The following BMP5 variants were observed in gnomAD, a reference collection of about 807,000 sequenced individuals.
BMP5 encodes bone morphogenetic protein 5.
BMP5 carries 23 observed loss-of-function variants against 46.6 expected under a neutral mutation model. The ratio of observed to expected loss-of-function variants is 0.49; its 90% CI spans 0.35 to 0.70. The LOEUF (loss-of-function observed/expected upper bound fraction) is 0.70. BMP5 is among the 30% of genes least tolerant of loss of function. The probability of loss-of-function intolerance (pLI) is 0.00; values close to 1 mark genes in which losing one functional copy is unlikely to be tolerated. For missense variants in BMP5, 545 were observed against 565.6 expected, an observed-to-expected ratio of 0.96 and a Z score of 0.37; for synonymous variants, 204 against 191.9, an observed-to-expected ratio of 1.06 and a Z score of -0.52.
intron 1 of BMP5, among the ~76,000 whole-genome samples, chr6:55,829,367 T>G (rs1776607526): frequency 6.6e-6 from 1 of 151,832 alleles, no homozygotes; most frequent in African/African-American, 2.4e-5. Flanking sequence ...AGATTTTTTT[T>G]TATTGTTTCA....
At chr6:55,859,119 A>G (rs989316545) in intron 1 of BMP5, among the ~76,000 whole-genome samples, 1 of 152,196 alleles carries the variant, frequency 6.6e-6, no homozygotes, top group Non-Finnish European at 1.5e-5. Context: ...GTATCCCACA[A>G]CTTAAAGTAA....
At chr6:55,797,317 A>G (rs1047750175) in intron 2 of BMP5, among the ~76,000 whole-genome samples, 1 of 152,198 alleles carries the variant, frequency 6.6e-6, no homozygotes. Context: ...TATAAAATAA[A>G]CTTGTTAAAG....
Position 55,874,517 on chromosome 6 carries a change from G to A in BMP5, c.349C>T (p.Pro117Ser). Residue 117 changes from proline (P) to serine (S), a missense_variant, in exon 1 of 7, where the codon CCA becomes TCA. By Grantham distance (74) the Pro-to-Ser change is moderately conservative (BLOSUM62 -1). Transcript: ENST00000370830. ...EETRGARKGY[P>S]ASPNGYPRRI... is the part of the protein sequence containing the mutation. ...CGAGGATACCCATTGGGAGAGGCTG[G>A]GTATCCCTTTCTTGCCCCTCTGGTC... The A allele has an allele frequency of 6.2e-7, 1 of 1,613,308 alleles. No individual in the cohort carries two copies. The highest frequency in any genetic ancestry group is 8.5e-7 in the Non-Finnish European group (1 of 1,179,626).
intron 1 of BMP5, among the ~76,000 whole-genome samples, chr6:55,856,635 T>C (rs1777405533): frequency 6.6e-6 from 1 of 152,146 alleles, no homozygotes; most frequent in South Asian, 2.1e-4. Flanking sequence ...AATTCTCTAA[T>C]AATTGATAGT....
At chr6:55,862,801 A>G (rs762799679) in intron 1 of BMP5, among the ~76,000 whole-genome samples, 11 of 152,164 alleles carry the variant, frequency 7.2e-5, no homozygotes, top group Non-Finnish European at 1.5e-4. Flanking sequence ...CAGACTCTCC[A>G]AGCTTTGCTG....
chr6:55,821,911 A>T (rs1776418563), intron 1 of BMP5, among the ~76,000 whole-genome samples: 1 of 152,098 alleles, frequency 6.6e-6, no homozygotes, highest in Non-Finnish European at 1.5e-5. Flanking sequence ...AATCTAACTC[A>T]CTGTATTCTT....
Position 55,755,117 on chromosome 6 carries a change from T to C in BMP5, c.*416A>G, listed in dbSNP as rs1486934655. On this transcript the variant is annotated 3_prime_UTR_variant, in exon 7 of 7. Transcript: ENST00000370830. ...TTTTTAAGTCTTATTTCTAAATAAA[T>C]ATTCTATCATGGTTTTCATTGGCAC... 1 of 152,568 alleles carries C rather than the reference T, an allele frequency of 6.6e-6. No homozygotes were observed. Among genetic ancestry groups the C allele is most frequent in the Non-Finnish European group, 1.5e-5 (1 of 68,374 alleles). The allele number at this position is 152,568 out of a possible 1,614,324, so 9.5% of individuals were successfully genotyped here.
chr6:55,829,130 C>G (rs1776598910), intron 1 of BMP5, among the ~76,000 whole-genome samples: 1 of 151,774 alleles, frequency 6.6e-6, no homozygotes, highest in South Asian at 2.1e-4. Flanking sequence ...AGCTGATGTT[C>G]TGTTCTGTTT....
intron 1 of BMP5, among the ~76,000 whole-genome samples, chr6:55,855,581 T>G (rs1379601027): frequency 6.6e-6 from 1 of 152,182 alleles, no homozygotes; most frequent in African/African-American, 2.4e-5. Flanking sequence ...TTAGACGAAT[T>G]AATCCTATTG....
chr6:55,852,984 G>A (rs1432647625), intron 1 of BMP5, among the ~76,000 whole-genome samples: 1 of 151,662 alleles, frequency 6.6e-6, no homozygotes, highest in Non-Finnish European at 1.5e-5. Context: ...ACAAAAATTA[G>A]CTGGGCATGG....
intron 1 of BMP5, among the ~76,000 whole-genome samples, chr6:55,846,744 T>C (rs1777106576): frequency 6.6e-6 from 1 of 151,864 alleles, no homozygotes; most frequent in South Asian, 2.1e-4. Flanking sequence ...TTTGAATATC[T>C]TCATTACTGG....
chr6:55,874,731 G>T lies in BMP5; in HGVS notation c.135C>A (p.Asn45Lys), dbSNP rs1294305537. 1 of 1,613,522 alleles carries T rather than the reference G, an allele frequency of 6.2e-7. No homozygotes were observed. The highest frequency in any genetic ancestry group is 8.5e-7 in the Non-Finnish European group (1 of 1,179,684). The change falls in exon 1 of 7, where the codon AAC (asparagine) becomes AAA (lysine). Residue 45 changes from asparagine to lysine, a missense_variant. By Grantham distance (94) the Asn-to-Lys change is moderately conservative. Transcript: ENST00000370830. The part of the protein sequence containing the change: ...HSSFIYRRLR[N>K]HERREIQREI... Reference sequence around the variant, plus strand: ...CCCTTTGTATTTCCCGTCTTTCGTGGTTCCGTAGTCTTCTATAAATAAAAC... The same window carrying T: ...CCCTTTGTATTTCCCGTCTTTCGTGTTTCCGTAGTCTTCTATAAATAAAAC...
intron 1 of BMP5, among the ~76,000 whole-genome samples, chr6:55,860,205 G>T (rs1330567734): frequency 1.3e-5 from 2 of 150,576 alleles, no homozygotes; most frequent in African/African-American, 4.9e-5. Context: ...AGCCCAGGAG[G>T]TGAGGCTGCA....
intron 1 of BMP5, among the ~76,000 whole-genome samples, chr6:55,863,704 A>C (rs1358111769): frequency 1.3e-5 from 2 of 152,222 alleles, no homozygotes; most frequent in Non-Finnish European, 2.9e-5. Flanking sequence ...TAAGATTATA[A>C]TGGAGCTCAA....
chr6:55,784,037 G>A (rs970795695), intron 3 of BMP5, among the ~76,000 whole-genome samples: 1 of 151,758 alleles, frequency 6.6e-6, no homozygotes, highest in African/African-American at 2.4e-5. Context: ...CTGAACTTTG[G>A]ATAAGCAAAC....
intron 2 of BMP5, among the ~76,000 whole-genome samples, chr6:55,811,706 T>C (rs1245174060): frequency 6.6e-6 from 1 of 151,908 alleles, no homozygotes; most frequent in Non-Finnish European, 1.5e-5. Flanking sequence ...TCTCTTTCTC[T>C]CTCTCTCTCC....
chr6:55,850,501 A>G (rs1429284388), intron 1 of BMP5, among the ~76,000 whole-genome samples: 1 of 152,100 alleles, frequency 6.6e-6, no homozygotes, highest in Non-Finnish European at 1.5e-5. Context: ...TGATATATAC[A>G]TACCTTATAT....
intron 1 of BMP5, among the ~76,000 whole-genome samples, chr6:55,864,048 G>A (rs1239708572): frequency 1.3e-5 from 2 of 151,838 alleles, no homozygotes; most frequent in African/African-American, 4.8e-5. Context: ...TAAAAAAAAA[G>A]CTCACTTAAT....
intron 1 of BMP5, among the ~76,000 whole-genome samples, chr6:55,841,206 A>G (rs7752801): frequency 0.43 from 65,857 of 151,948 alleles, 14,770 homozygotes; most frequent in African/African-American, 0.54. Context: ...CCAATCCCTG[A>G]TGCCACAAAG....
Sources: gnomAD v4.1 joint callset for allele counts (sites outside exome capture counted in the v4.1 genomes callset) on GRCh38, gnomAD v4.1.1 for gene constraint, MANE v1.5 for transcripts, NCBI Gene and HGNC (gene_info 2026-07-23, HGNC 2026-07-21) for gene names.